BIN2: variants seen among roughly 807,000 people sequenced by gnomAD.
BIN2 encodes the protein breast cancer associated protein BRAP1.
Under a neutral mutation model 67.9 loss-of-function variants are expected in BIN2, and 43 were observed. The observed-to-expected ratio is 0.63, with a 90% confidence interval of 0.50 to 0.82. BIN2 has a LOEUF of 0.82. BIN2 is among the 40% of genes least tolerant of loss of function. BIN2 has a pLI of 0.00. For synonymous variants in BIN2, 244 were observed against 246.8 expected (o/e 0.99, Z 0.11); for missense variants, 581 against 671.6 (o/e 0.87, Z 1.49).
intron 1 of BIN2, among the ~76,000 whole-genome samples, chr12:51,314,268 G>A (rs1169642267): frequency 4.0e-5 from 6 of 151,446 alleles, no homozygotes; most frequent in Non-Finnish European, 8.8e-5. Context: ...GGCTGATCTC[G>A]AACTCCTGAC....
intron 11 of BIN2, among the ~76,000 whole-genome samples, chr12:51,286,051 A>G (rs1036543648): frequency 6.6e-6 from 1 of 152,166 alleles, no homozygotes; most frequent in African/African-American, 2.4e-5. Context: ...CACCTCCCGG[A>G]AAGTTATCAA....
rs374530529 is a variant in BIN2, at chr12:51,291,535, C to T, written c.1515+56G>A. 1.7e-5 allele frequency: 26 copies of T among 1,495,994 alleles called. No homozygotes were observed. In the East Asian group the frequency reaches 3.5e-4, roughly 20 times the overall value. The allele number at this position is 1,495,994 out of a possible 1,614,324, so 92.7% of individuals were successfully genotyped here. On this transcript the variant is annotated intron_variant, in intron 10 of 12. Coordinates refer to ENST00000615107, the MANE Select transcript of BIN2 (RefSeq NM_016293.4). ...TCCAGCCTGGACGCCTGAGTGAGAC[C>T]CTAGCTTAAATAAATAAATTAATTA...
At chr12:51,314,133 C>T (rs1221337736) in intron 1 of BIN2, among the ~76,000 whole-genome samples, 2 of 151,784 alleles carry the variant, frequency 1.3e-5, no homozygotes, top group Admixed American at 6.6e-5. Context: ...CTGCAACCTT[C>T]GCCTCCCAGG....
At chr12:51,300,315 G>A (rs1054390994) in intron 5 of BIN2, among the ~76,000 whole-genome samples, 8 of 151,744 alleles carry the variant, frequency 5.3e-5, no homozygotes, top group African/African-American at 1.5e-4. Flanking sequence ...TCCACCTCCC[G>A]CTGTATTAAA....
At chr12:51,299,088 A>AT in intron 7 of BIN2, 115 bp downstream of exon 7, 3 of 533,526 alleles carry the variant, frequency 5.6e-6, no homozygotes, top group Non-Finnish European at 9.7e-6. Context: ...AAAAAAAAAA[A>AT]GGGGGCGGGG....
chr12:51,299,784 C>T, intron 5 of BIN2, 70 bp from the exon 6 acceptor site: 1 of 1,282,476 alleles, frequency 7.8e-7, no homozygotes, highest in Non-Finnish European at 1.1e-6. Context: ...TAACAGAATA[C>T]CAAACAGAGA....
At chr12:51,312,987 C>T (rs892305691) in intron 2 of BIN2, among the ~76,000 whole-genome samples, 2 of 152,094 alleles carry the variant, frequency 1.3e-5, no homozygotes, top group Admixed American at 1.3e-4. Flanking sequence ...AATCCCAGCA[C>T]TTCGGGAGGC....
At chr12:51,285,541 T>A (rs1363001784) in intron 11 of BIN2, among the ~76,000 whole-genome samples, 1 of 152,018 alleles carries the variant, frequency 6.6e-6, no homozygotes, top group African/African-American at 2.4e-5. Context: ...TTAAAATAAG[T>A]TTTTAAAACA....
chr12:51,299,498 G>T, intron 6 of BIN2, 109 bp downstream of exon 6: 1 of 1,089,544 alleles, frequency 9.2e-7, no homozygotes, highest in Non-Finnish European at 1.4e-6. Context: ...GACACTGGAT[G>T]CTGAATTTAT....
At chr12:51,323,873 C>T in intron 1 of BIN2, 149 bp downstream of exon 1, 1 of 986,298 alleles carries the variant, frequency 1.0e-6, no homozygotes, top group South Asian at 1.8e-5. Context: ...CTCCTCGCTC[C>T]CGTTTCCCTG....
intron 2 of BIN2, among the ~76,000 whole-genome samples, chr12:51,310,786 G>A (rs960315476): frequency 1.3e-5 from 2 of 151,800 alleles, no homozygotes; most frequent in African/African-American, 4.8e-5. Flanking sequence ...TTTGAGATAG[G>A]GTCTCACTTT....
chr12:51,305,644 A>G (rs947895428), intron 2 of BIN2, among the ~76,000 whole-genome samples: 33 of 151,812 alleles, frequency 2.2e-4, no homozygotes, highest in Non-Finnish European at 3.8e-4. Flanking sequence ...AAAATGAGAA[A>G]AAAAGGAAAA....
rs1945411275 is a variant in BIN2 at position 51,292,347 on chromosome 12, A to G, written c.762-3T>C. On this transcript the variant is annotated splice_polypyrimidine_tract_variant and splice_region_variant and intron_variant, in intron 9 of 12. Coordinates refer to ENST00000615107, the MANE Select transcript of BIN2 (RefSeq NM_016293.4). ...TGACTAAAGAGCGCCTGCTGCTGCT[A>G]AAAAAGGAAGGTGTTCAGATTCAGA... 2 of 1,562,990 alleles carry G rather than the reference A, an allele frequency of 1.3e-6. No homozygotes were observed. The highest frequency in any genetic ancestry group is 1.1e-5 in the South Asian group (1 of 87,228).
chr12:51,297,486 G>A (rs1328462189), intron 7 of BIN2: 1 of 187,660 alleles, frequency 5.3e-6, no homozygotes, highest in African/African-American at 2.4e-5. Context: ...AGAGTCGCTT[G>A]AACCTGGTAG....
chr12:51,292,160 A>C lies in BIN2; in HGVS notation c.946T>G (p.Leu316Val). The C allele has an allele frequency of 6.2e-7, 1 of 1,613,916 alleles. No homozygotes were observed. The highest frequency in any genetic ancestry group is 8.5e-7 in the Non-Finnish European group (1 of 1,180,008). The change falls in exon 10 of 13, where the codon TTA becomes GTA. Residue 316 changes from leucine to valine, a missense_variant. Transcript: ENST00000615107. ...TCCTTCTCTATTTCCTCCTCTTCTAAGAGCTCCTTGATCTCAGAATTGTCT... is the reference window on the plus strand; with the variant it reads ...TCCTTCTCTATTTCCTCCTCTTCTACGAGCTCCTTGATCTCAGAATTGTCT... The part of the protein sequence containing the change: ...GEDNSEIKEL[L>V]EEEEIEKEGS...
chr12:51,302,992 G>A, intron 3 of BIN2, 95 bp downstream of exon 3: 1 of 1,420,848 alleles, frequency 7.0e-7, no homozygotes, highest in Non-Finnish European at 9.9e-7. Context: ...ATGATAAAAT[G>A]ACAAAAACCT....
chr12:51,284,827 C>A, intron 11 of BIN2, 40 bp from the exon 12 acceptor site: 1 of 1,415,170 alleles, frequency 7.1e-7, no homozygotes, highest in Non-Finnish European at 1.0e-6. Flanking sequence ...GGTGGCTCAA[C>A]CTTTCCAGCC....
chr12:51,289,847 T>G (rs1379470400), intron 10 of BIN2, among the ~76,000 whole-genome samples: 1 of 151,640 alleles, frequency 6.6e-6, no homozygotes, highest in Non-Finnish European at 1.5e-5. Flanking sequence ...GGAGCAGCCT[T>G]TTCAAAAGGC....
chr12:51,288,280 G>A (rs1305964299), intron 10 of BIN2, 92 bp from the exon 11 acceptor site: 1 of 994,888 alleles, frequency 1.0e-6, no homozygotes, highest in African/African-American at 1.6e-5. Flanking sequence ...GCTCCTCTCA[G>A]ATATCAGGAG....
Sources: allele counts gnomAD v4.1 joint callset (sites outside exome capture counted in the v4.1 genomes callset), GRCh38; gene constraint gnomAD v4.1.1; transcripts MANE v1.5; gene names NCBI Gene and HGNC (gene_info 2026-07-23, HGNC 2026-07-21).